The following RB1CC1 variants were observed in gnomAD, a reference collection of about 807,000 sequenced individuals.
RB1CC1 encodes the protein RB1 inducible coiled-coil 1.
Under a neutral mutation model 177.5 loss-of-function variants are expected in RB1CC1, and 46 were observed. The ratio of observed to expected loss-of-function variants is 0.26; its 90% confidence interval spans 0.20 to 0.33. The LOEUF is 0.33. RB1CC1 is among the 10% of genes least tolerant of loss of function. The pLI is 1.00. For missense variants in RB1CC1, 1,703 were observed against 1,816.3 expected, an observed-to-expected ratio of 0.94 and a Z score of 1.13; for synonymous variants, 666 against 613.6, an observed-to-expected ratio of 1.09 and a Z score of -1.26.
intron 15 of RB1CC1, among the ~76,000 whole-genome samples, chr8:52,646,077 T>C (rs1314762108): frequency 6.6e-6 from 1 of 152,308 alleles, no homozygotes; most frequent in African/African-American, 2.4e-5. Context: ...GGTTTACTGA[T>C]TTTTATCAGT....
chr8:52,641,404 AT>A (rs56214958), intron 18 of RB1CC1, among the ~76,000 whole-genome samples: 14 of 144,822 alleles, frequency 9.7e-5, no homozygotes, highest in South Asian at 2.2e-4. Context: ...AAAAAAAAAA[AT>A]TAAAATAAAA....
chr8:52,659,311 C>A (rs78472742), intron 12 of RB1CC1, among the ~76,000 whole-genome samples: 3 of 151,790 alleles, frequency 2.0e-5, no homozygotes, highest in African/African-American at 7.3e-5. Flanking sequence ...TAAGTGTGTG[C>A]GTATATATAT....
At chr8:52,630,596 T>G in intron 20 of RB1CC1, 68 bp from the exon 21 acceptor site, 1 of 1,480,742 alleles carries the variant, frequency 6.8e-7, no homozygotes, top group Non-Finnish European at 9.0e-7. Flanking sequence ...ACTGCAAAAA[T>G]TTCACCCACT....
chr8:52,627,978 TTATA>T, intron 22 of RB1CC1, 50 bp downstream of exon 22: 2 of 1,441,054 alleles, frequency 1.4e-6, no homozygotes, highest in Non-Finnish European at 9.3e-7. Context: ...AAATCTTTAC[TTATA>T]TAATTTCCTC....
At chr8:52,698,660 G>T (rs2150675826) in intron 1 of RB1CC1, among the ~76,000 whole-genome samples, 3 of 112,578 alleles carry the variant, frequency 2.7e-5, no homozygotes, top group Non-Finnish European at 1.7e-5. Context: ...AACTGTATAT[G>T]TAATGGTTGG....
At chr8:52,645,586 GTAAGGAA>G in intron 16 of RB1CC1, 109 bp downstream of exon 16, 1 of 1,092,344 alleles carries the variant, frequency 9.2e-7, no homozygotes, top group Non-Finnish European at 1.3e-6. Flanking sequence ...CAGGATCAAT[GTAAGGAA>G]CATCACATCT....
intron 8 of RB1CC1, among the ~76,000 whole-genome samples, chr8:52,666,296 C>A (rs1043026080): frequency 6.6e-6 from 1 of 151,980 alleles, no homozygotes; most frequent in African/African-American, 2.4e-5. Context: ...GAGGCCGAGG[C>A]AGGCCTGAGG....
intron 20 of RB1CC1, among the ~76,000 whole-genome samples, chr8:52,633,671 A>G (rs981077061): frequency 1.3e-5 from 2 of 152,372 alleles, no homozygotes; most frequent in Middle Eastern, 3.4e-3. Context: ...ACTACCTTGT[A>G]AACTGTAATT....
intron 20 of RB1CC1, 137 bp downstream of exon 20, chr8:52,634,784 G>T: frequency 1.5e-6 from 1 of 679,408 alleles, no homozygotes; most frequent in Non-Finnish European, 2.4e-6. Context: ...AGGATTCAAT[G>T]ACCAACACGG....
chr8:52,685,398 C>T lies in RB1CC1; in HGVS notation c.71+1G>A. On this transcript the variant is annotated splice_donor_variant, in intron 3 of 23. Coordinates refer to ENST00000025008, the MANE Select transcript of RB1CC1 (RefSeq NM_014781.5). LOFTEE classifies it high-confidence loss of function. ...AAAAAAATAAATGAAATACAACTCA[C>T]GTTTGCACTGTAAGTTCAGTGTCAA... 1.3e-6 allele frequency: 2 copies of T among 1,582,680 alleles called. No homozygotes were observed. The highest frequency in any genetic ancestry group is 1.7e-6 in the Non-Finnish European group (2 of 1,157,094).
Position 52,657,924 on chromosome 8 carries a change from A to G in RB1CC1, c.1921-16T>C. ...TCACAGATGCCTGGAAAACAGAAAG[A>G]AAGGCTTAAAGAGCTGCAGGAACAC... On this transcript the variant is annotated splice_polypyrimidine_tract_variant and intron_variant, in intron 14 of 23. Coordinates refer to ENST00000025008, the MANE Select transcript of RB1CC1 (RefSeq NM_014781.5). The G allele has an allele frequency of 6.2e-7, 1 of 1,612,076 alleles. No homozygotes were observed. Among genetic ancestry groups the G allele is most frequent in the Non-Finnish European group, 8.5e-7 (1 of 1,178,948 alleles).
chr8:52,697,188 T>C (rs951843229), intron 1 of RB1CC1, among the ~76,000 whole-genome samples: 1 of 151,266 alleles, frequency 6.6e-6, no homozygotes, highest in African/African-American at 2.4e-5. Context: ...TTCCAGTTTC[T>C]AGGAAATATG....
intron 7 of RB1CC1, among the ~76,000 whole-genome samples, chr8:52,669,573 A>G (rs1852367554): frequency 6.6e-6 from 1 of 152,230 alleles, no homozygotes. Context: ...CGAAAAAATT[A>G]ACAAAACCAT....
At chr8:52,641,575 G>A (rs981135259) in intron 18 of RB1CC1, among the ~76,000 whole-genome samples, 2 of 151,958 alleles carry the variant, frequency 1.3e-5, no homozygotes, top group East Asian at 1.9e-4. Flanking sequence ...CTGTTTGAAC[G>A]AGGGGACCAC....
chr8:52,657,940 G>A, intron 14 of RB1CC1, 32 bp from the exon 15 acceptor site: 2 of 1,612,496 alleles, frequency 1.2e-6, no homozygotes, highest in East Asian at 2.2e-5. Flanking sequence ...TTAAAGAGCT[G>A]CAGGAACACA....
At chr8:52,685,081 C>A (rs912085918) in intron 3 of RB1CC1, among the ~76,000 whole-genome samples, 5 of 149,650 alleles carry the variant, frequency 3.3e-5, no homozygotes, top group African/African-American at 1.2e-4. Context: ...TGACTCACTG[C>A]AACCTCTGCC....
intron 15 of RB1CC1, among the ~76,000 whole-genome samples, chr8:52,654,746 A>G (rs994099383): frequency 1.3e-5 from 2 of 152,150 alleles, no homozygotes; most frequent in African/African-American, 2.4e-5. Flanking sequence ...GTATCTCTCC[A>G]TCAATATCTG....
chr8:52,625,610 C>T (rs957588509), intron 22 of RB1CC1, among the ~76,000 whole-genome samples: 1 of 152,182 alleles, frequency 6.6e-6, no homozygotes, highest in Non-Finnish European at 1.5e-5. Context: ...GCATTTAATA[C>T]TTCTAATCTA....
chr8:52,658,965 A>C lies in RB1CC1; in HGVS notation c.1701T>G (p.Pro567=), dbSNP rs772543064. 1 of 1,549,176 alleles carries C rather than the reference A, an allele frequency of 6.5e-7. No homozygotes were observed. The highest frequency in any genetic ancestry group is 1.3e-5 in the South Asian group (1 of 79,658). The part of the protein sequence containing the change: ...SWPPSFCTQK[P]RKFDCELPDI... ...CTGGAAGTTCACAGTCAAACTTTCG[A>C]GGCTTTTGAGTCTGTACCAAAAAAA... The change falls in exon 13 of 24, where the codon CCT becomes CCG. Residue 567 remains proline, a synonymous_variant. Transcript: ENST00000025008.
Sources: gnomAD v4.1 joint callset for allele counts (sites outside exome capture counted in the v4.1 genomes callset) on GRCh38, gnomAD v4.1.1 for gene constraint, MANE v1.5 for transcripts, NCBI Gene and HGNC (gene_info 2026-07-23, HGNC 2026-07-21) for gene names.